ADGRV1: variants seen among roughly 807,000 people sequenced by gnomAD.
ADGRV1 encodes adhesion G protein-coupled receptor V1.
Under a neutral mutation model 596.2 loss-of-function variants are expected in ADGRV1, and 359 were observed. The ratio of observed to expected loss-of-function variants is 0.60; its 90% CI spans 0.55 to 0.66. The LOEUF is 0.66. Among genes scored for constraint, ADGRV1 ranks in the 30% least tolerant of loss-of-function variants. ADGRV1 has a pLI of 0.00. For synonymous variants in ADGRV1, 2,681 were observed against 2,679.2 expected, an observed-to-expected ratio of 1.00 and a Z score of -0.02; for missense variants, 7,274 against 7,575.6, an observed-to-expected ratio of 0.96 and a Z score of 1.48.
chr5:90,810,549 G>T lies in ADGRV1; in HGVS notation c.15289G>T (p.Val5097Leu), dbSNP rs1359099427. Residue 5097 changes from valine to leucine, a missense_variant, in exon 74 of 90, where the codon GTA becomes TTA. Val to Leu is a conservative substitution (Grantham distance 32). Coordinates refer to ENST00000405460, the MANE Select transcript of ADGRV1 (RefSeq NM_032119.4). Reference protein sequence around the residue: ...EEFFYINLTSVEIRGLQKFDV... With the variant: ...EEFFYINLTSLEIRGLQKFDV... ...ATTTTTTTACATTAACCTTACTTCA[G>T]TAGAAATTAGGGGATTACAAAAGTT... 6.2e-7 allele frequency: 1 copy of T among 1,613,722 alleles called. No homozygotes were observed. The highest frequency in any genetic ancestry group is 1.7e-5 in the Admixed American group (1 of 60,018).
rs114747661 is a variant in ADGRV1 at position 90,862,056 on chromosome 5, A to T, written c.17756-1701A>T. Among the ~76,000 whole-genome samples the T allele has an allele frequency of 3.6e-3, 551 of 152,340 alleles. 1 individual carries two copies. The highest frequency in any genetic ancestry group is 5.1e-3 in the Admixed American group (78 of 15,310). ...CACCAGGTGTCATGCTAGCATTTTAACTGAAGCCTAATATACTTAATTAAA... is the reference window on the plus strand; with the variant it reads ...CACCAGGTGTCATGCTAGCATTTTATCTGAAGCCTAATATACTTAATTAAA... On this transcript the variant is annotated intron_variant, in intron 82 of 89. Transcript: ENST00000405460.
intron 50 of ADGRV1, among the ~76,000 whole-genome samples, chr5:90,736,290 A>G (rs1753207994): frequency 6.6e-6 from 1 of 152,064 alleles, no homozygotes; most frequent in South Asian, 2.1e-4. Context: ...ATCTGCATAT[A>G]TTGAACCATC....
intron 85 of ADGRV1, among the ~76,000 whole-genome samples, chr5:91,071,105 TC>T (rs1221158069): frequency 6.6e-6 from 1 of 151,308 alleles, no homozygotes; most frequent in African/African-American, 2.4e-5. Flanking sequence ...GGAAGAAAAC[TC>T]CAAATGGAGA....
chr5:91,055,499 GA>G (rs1209097355), intron 85 of ADGRV1, among the ~76,000 whole-genome samples: 6 of 152,008 alleles, frequency 3.9e-5, no homozygotes, highest in East Asian at 3.9e-4. Context: ...ATTTATGGGG[GA>G]AAAAATAGAT....
intron 1 of ADGRV1, among the ~76,000 whole-genome samples, chr5:90,570,840 A>G (rs1411347353): frequency 1.3e-5 from 2 of 151,672 alleles, no homozygotes; most frequent in Non-Finnish European, 2.9e-5. Flanking sequence ...TATTGTTTAT[A>G]TAGACATGAT....
At chr5:90,629,646 T>C in intron 9 of ADGRV1, 107 bp downstream of exon 9, 1 of 839,048 alleles carries the variant, frequency 1.2e-6, no homozygotes, top group Non-Finnish European at 1.8e-6. Context: ...TTTGCCGTCA[T>C]TTATATGTTG....
At chr5:91,028,732 G>GTTTT (rs397998676) in intron 85 of ADGRV1, among the ~76,000 whole-genome samples, 23,640 of 95,668 alleles carry the variant, frequency 0.25, 3,878 homozygotes, top group Non-Finnish European at 0.31. Flanking sequence ...ACTAGACTCT[G>GTTTT]TTTTTTTTTT....
intron 2 of ADGRV1, chr5:90,617,462 A>G (rs778856270): frequency 6.9e-5 from 13 of 187,296 alleles, no homozygotes; most frequent in Admixed American, 1.2e-4. Flanking sequence ...GACACACACC[A>G]CCACGCCCAG....
rs1767701383 is a variant in ADGRV1 at position 90,646,004 on chromosome 5, C to T, written c.2935C>T (p.Leu979=). 8.1e-6 allele frequency: 13 copies of T among 1,604,154 alleles called. No homozygotes were observed. The highest frequency in any genetic ancestry group is 1.3e-5 in the African/African-American group (1 of 74,752). Reference sequence around the variant, plus strand: ...AATGGAAGAATTTACCGTTATCCTACTGAATGGCACTGGAGGAGCTAAAGT... The same window carrying T: ...AATGGAAGAATTTACCGTTATCCTATTGAATGGCACTGGAGGAGCTAAAGT... ...EEMEEFTVIL[L]NGTGGAKVGN... The change falls in exon 16 of 90, where the codon CTG becomes TTG. Residue 979 remains leucine, a synonymous_variant. Transcript: ENST00000405460.
rs540413512 is a variant in ADGRV1, at chr5:90,976,057, A to G, written c.17974-9287A>G. ...TAAATAAAAAGTACATCTTTTTCTC[A>G]CTATTTCTTGCATTCTCCATTCTTT... On this transcript the variant is annotated intron_variant, in intron 84 of 89. Transcript: ENST00000405460. Among the ~76,000 whole-genome samples the G allele has an allele frequency of 2.0e-5, 3 of 151,788 alleles. No individual in the cohort carries two copies. In the South Asian group the frequency reaches 6.3e-4, roughly 32 times the overall value.
intron 78 of ADGRV1, among the ~76,000 whole-genome samples, chr5:90,841,736 C>A (rs959202753): frequency 6.6e-6 from 1 of 152,072 alleles, no homozygotes; most frequent in African/African-American, 2.4e-5. Context: ...TGAGTACATA[C>A]CCATGAATGT....
At chr5:90,756,783 G>C in intron 56 of ADGRV1, 153 bp downstream of exon 56, 1 of 777,404 alleles carries the variant, frequency 1.3e-6, no homozygotes, top group Non-Finnish European at 2.0e-6. Context: ...CTTTGGGCTA[G>C]ACCAAAGGAT....
chr5:90,670,468 G>A (rs6861067), intron 21 of ADGRV1, among the ~76,000 whole-genome samples: 59,374 of 152,018 alleles, frequency 0.39, 11,939 homozygotes, highest in Admixed American at 0.51. Context: ...CAAGACTAGA[G>A]ACAAAGATGT....
At chr5:90,948,293 G>GTCAGTAATA (rs754775171) in intron 83 of ADGRV1, among the ~76,000 whole-genome samples, 2 of 152,090 alleles carry the variant, frequency 1.3e-5, no homozygotes, top group Non-Finnish European at 2.9e-5. Flanking sequence ...AGAGGACATG[G>GTCAGTAATA]TCAGTAATAT....
chr5:91,095,751 C>T (rs1476554549), intron 86 of ADGRV1, among the ~76,000 whole-genome samples: 1 of 151,840 alleles, frequency 6.6e-6, no homozygotes, highest in Non-Finnish European at 1.5e-5. Flanking sequence ...TAATGTGTGC[C>T]TACTGTTGGA....
intron 1 of ADGRV1, among the ~76,000 whole-genome samples, chr5:90,595,107 CG>C (rs1760118778): frequency 1.6e-5 from 2 of 126,974 alleles, no homozygotes; most frequent in South Asian, 2.5e-4. Context: ...GCTGGCCGGG[CG>C]GGGGGCTGAC....
At chr5:90,827,792 A>C (rs577949112) in intron 76 of ADGRV1, among the ~76,000 whole-genome samples, 1 of 152,362 alleles carries the variant, frequency 6.6e-6, no homozygotes, top group East Asian at 1.9e-4. Context: ...TCAGAAAACA[A>C]AAGGAGATTA....
chr5:90,900,394 A>G (rs887721176), intron 83 of ADGRV1, among the ~76,000 whole-genome samples: 2 of 148,222 alleles, frequency 1.3e-5, no homozygotes, highest in African/African-American at 2.5e-5. Context: ...ATAGGTTTGT[A>G]TATCAAAACA....
Position 91,072,596 on chromosome 5 carries a change from A to G in ADGRV1, c.18302A>G (p.Asn6101Ser). 4 of 1,613,640 alleles carry G rather than the reference A, an allele frequency of 2.5e-6. No individual in the cohort carries two copies. The highest frequency in any genetic ancestry group is 2.5e-6 in the Non-Finnish European group (3 of 1,179,630). The change falls in exon 86 of 90, where the codon AAT becomes AGT. Residue 6101 changes from asparagine (N) to serine (S), a missense_variant. Physicochemically the swap from Asn to Ser is conservative, Grantham distance 46 (BLOSUM62 1). Coordinates refer to ENST00000405460, the MANE Select transcript of ADGRV1 (RefSeq NM_032119.4). ...AYDDVFRGRT[N>S]AAEIPLILYL... is the part of the protein sequence containing the mutation. Reference sequence around the variant, plus strand: ...GATGATGTCTTCAGAGGAAGGACAAATGCTGCAGGTTTGAAAGGAACTATA... The same window carrying G: ...GATGATGTCTTCAGAGGAAGGACAAGTGCTGCAGGTTTGAAAGGAACTATA...
Sources: gnomAD v4.1 joint callset for allele counts (sites outside exome capture counted in the v4.1 genomes callset) on GRCh38, gnomAD v4.1.1 for gene constraint, MANE v1.5 for transcripts, NCBI Gene and HGNC (gene_info 2026-07-23, HGNC 2026-07-21) for gene names.